Variants in CALD1 observed in about 807,000 individuals in gnomAD.
The protein encoded by CALD1 is caldesmon 1.
A neutral mutation model predicts 99.9 loss-of-function variants in CALD1; 33 were observed. The ratio of observed to expected loss-of-function variants is 0.33; its 90% confidence interval spans 0.25 to 0.44. The LOEUF is 0.44. CALD1 is among the 20% of genes least tolerant of loss of function. The pLI, the probability that CALD1 is intolerant of heterozygous loss-of-function variation, is 1.00. For missense variants in CALD1, 861 were observed against 962.1 expected (o/e 0.89, Z 1.39); for synonymous variants, 310 against 325.0 (o/e 0.95, Z 0.50).
chr7:134,775,041 C>A (rs1172042211), upstream of CALD1, among the ~76,000 whole-genome samples: 1 of 151,946 alleles, frequency 6.6e-6, no homozygotes, highest in African/African-American at 2.4e-5. Context: ...AAAAAATTCA[C>A]CTTCAATTTT....
intron 3 of CALD1, among the ~76,000 whole-genome samples, chr7:134,924,329 G>A (rs531851036): frequency 1.3e-4 from 19 of 151,886 alleles, no homozygotes; most frequent in African/African-American, 3.1e-4. Context: ...TTATGTGTGC[G>A]TTGCTTTTAA....
rs571917892 is a variant in CALD1 at position 134,845,662 on chromosome 7, C to G, written c.-42+1691C>G. Among the ~76,000 whole-genome samples the G allele has an allele frequency of 3.3e-5, 5 of 152,232 alleles. No individual in the cohort carries two copies. In the South Asian group the frequency reaches 8.3e-4, roughly 25 times the overall value. On this transcript the variant is annotated intron_variant, in intron 2 of 14. Coordinates refer to ENST00000361675, the MANE Select transcript of CALD1 (RefSeq NM_033138.4). ...GCAGGTCTGAAGGTCAGGTGAGAACCAGAGATGTTCACAGTCACCACCTAC... is the reference window on the plus strand; with the variant it reads ...GCAGGTCTGAAGGTCAGGTGAGAACGAGAGATGTTCACAGTCACCACCTAC...
At chr7:134,789,031 T>TAAAA (rs35315682) in intron 1 of CALD1, among the ~76,000 whole-genome samples, 6 of 116,776 alleles carry the variant, frequency 5.1e-5, no homozygotes, top group East Asian at 2.5e-4. Flanking sequence ...AAACAAAAAG[T>TAAAA]AAAAAAAAAA....
chr7:134,813,002 G>A (rs1798412072), intron 1 of CALD1, among the ~76,000 whole-genome samples: 1 of 152,224 alleles, frequency 6.6e-6, no homozygotes, highest in Admixed American at 6.5e-5. Context: ...AAGAGAACCA[G>A]GAGGGTGAGA....
upstream of CALD1, among the ~76,000 whole-genome samples, chr7:134,741,624 C>T (rs772555347): frequency 2.0e-5 from 3 of 152,014 alleles, no homozygotes; most frequent in Non-Finnish European, 4.4e-5. Flanking sequence ...GTGCCCAATG[C>T]ATATTTAAAA....
At chr7:134,748,662 G>A (rs956596962) in intron 1 of CALD1, among the ~76,000 whole-genome samples, 1 of 152,080 alleles carries the variant, frequency 6.6e-6, no homozygotes, top group Non-Finnish European at 1.5e-5. Context: ...AGTGAGCCAA[G>A]ATTGTGCCAT....
At chr7:134,881,556 G>T (rs1327762317) in intron 3 of CALD1, among the ~76,000 whole-genome samples, 1 of 152,100 alleles carries the variant, frequency 6.6e-6, no homozygotes, top group African/African-American at 2.4e-5. Flanking sequence ...CATGACGTAC[G>T]TTTATCATGT....
intron 1 of CALD1, among the ~76,000 whole-genome samples, chr7:134,838,764 G>A (rs1001203180): frequency 6.6e-6 from 1 of 152,064 alleles, no homozygotes; most frequent in East Asian, 1.9e-4. Flanking sequence ...CTCACTGTTT[G>A]TCTTTCTTTT....
chr7:134,718,536 G>GA, the CALD1 span, among the ~76,000 whole-genome samples: 1 of 151,862 alleles, frequency 6.6e-6, no homozygotes, highest in African/African-American at 2.4e-5. Context: ...TATTTAATGG[G>GA]AAAAAAATGT....
intron 1 of CALD1, among the ~76,000 whole-genome samples, chr7:134,752,686 T>C (rs1796694534): frequency 6.6e-6 from 1 of 152,118 alleles, no homozygotes; most frequent in Non-Finnish European, 1.5e-5. Flanking sequence ...ATAAATCCAG[T>C]CTTAGCACCG....
In CALD1 at chr7:134,962,978, A is replaced by G. The variant is rs147362113; in HGVS notation, c.2296-2328A>G. 1.7e-3 allele frequency: 785 copies of G among 454,786 alleles called. 5 individuals carry two copies. The highest frequency in any genetic ancestry group is 0.015 in the African/African-American group (725 of 49,982). The allele number at this position is 454,786 out of a possible 1,614,324, so 28.2% of individuals were successfully genotyped here. A position where few individuals can be genotyped will look rare whatever the true frequency, so the allele number is the denominator to read the frequency against. On this transcript the variant is annotated intron_variant, in intron 13 of 14. Transcript: ENST00000361675. Reference sequence around the variant, plus strand: ...CCCCTTTGATTTAAAATGCCAACTTATAACTCAGATGTTCATATTTTCTTA... The same window carrying G: ...CCCCTTTGATTTAAAATGCCAACTTGTAACTCAGATGTTCATATTTTCTTA...
intron 3 of CALD1, among the ~76,000 whole-genome samples, chr7:134,922,246 T>G (rs558830484): frequency 6.6e-6 from 1 of 152,290 alleles, no homozygotes; most frequent in Non-Finnish European, 1.5e-5. Flanking sequence ...TCTCTCTGAG[T>G]CTTTAATGCT....
chr7:134,766,763 G>A (rs1396697552), intron 1 of CALD1, among the ~76,000 whole-genome samples: 1 of 152,150 alleles, frequency 6.6e-6, no homozygotes, highest in Non-Finnish European at 1.5e-5. Context: ...AGGACGATAG[G>A]CTAGACACTG....
chr7:134,878,321 C>T (rs958822308), intron 3 of CALD1, among the ~76,000 whole-genome samples: 1 of 152,152 alleles, frequency 6.6e-6, no homozygotes, highest in African/African-American at 2.4e-5. Flanking sequence ...GTAATGTCAG[C>T]ACTTTGGGAG....
chr7:134,728,878 A>G, the CALD1 span, among the ~76,000 whole-genome samples: 1 of 132,770 alleles, frequency 7.5e-6, no homozygotes, highest in Non-Finnish European at 1.6e-5. Flanking sequence ...TTTGACCCAG[A>G]GTCTTGCTCT....
chr7:134,937,958 T>C (rs1806122225), intron 6 of CALD1, among the ~76,000 whole-genome samples: 1 of 152,212 alleles, frequency 6.6e-6, no homozygotes, highest in Non-Finnish European at 1.5e-5. Context: ...TTCTGGCCTC[T>C]AACAGGAAAA....
chr7:134,834,556 G>A (rs1298307958), intron 1 of CALD1, among the ~76,000 whole-genome samples: 1 of 152,138 alleles, frequency 6.6e-6, no homozygotes, highest in Non-Finnish European at 1.5e-5. Context: ...AACCTCTCTA[G>A]GCCTTTCTAG....
At chr7:134,780,710 G>T (rs183930299) in intron 1 of CALD1, among the ~76,000 whole-genome samples, 1 of 152,058 alleles carries the variant, frequency 6.6e-6, no homozygotes, top group Admixed American at 6.6e-5. Flanking sequence ...GGCAATACAT[G>T]GTCAAAAAAA....
intron 1 of CALD1, among the ~76,000 whole-genome samples, chr7:134,795,688 T>C (rs1323032974): frequency 2.0e-5 from 3 of 152,190 alleles, no homozygotes; most frequent in Non-Finnish European, 4.4e-5. Context: ...CCCACTGAGA[T>C]TGATATGGCT....
Sources: allele counts gnomAD v4.1 joint callset (sites outside exome capture counted in the v4.1 genomes callset), GRCh38; gene constraint gnomAD v4.1.1; transcripts MANE v1.5; gene names NCBI Gene and HGNC (gene_info 2026-07-23, HGNC 2026-07-21).